COL28A1: variants seen among roughly 807,000 people sequenced by gnomAD.
COL28A1 encodes collagen type XXVIII alpha 1 chain.
A neutral mutation model predicts 150.2 loss-of-function variants in COL28A1; 161 were observed. That is an observed-to-expected ratio of 1.07 (90% CI 0.94 to 1.22). The LOEUF (loss-of-function observed/expected upper bound fraction) is 1.22, where lower values mean the gene tolerates loss of function less well. Ranked by LOEUF, COL28A1 falls within the 50% of genes most tolerant of loss-of-function variation. The probability of loss-of-function intolerance (pLI) is 0.00; values close to 1 mark genes in which losing one functional copy is unlikely to be tolerated. For missense variants in COL28A1, 1,617 were observed against 1,388.3 expected (o/e 1.16, Z -2.62); for synonymous variants, 552 against 469.7 (o/e 1.18, Z -2.26).
chr7:7,394,352 A>T (rs1782721382), intron 27 of COL28A1, among the ~76,000 whole-genome samples: 2 of 152,190 alleles, frequency 1.3e-5, no homozygotes, highest in African/African-American at 4.8e-5. Context: ...TCTCACTGGG[A>T]GCTGCAGACC....
At chr7:7,381,740 T>C (rs952047471) in intron 27 of COL28A1, 128 bp from the exon 28 acceptor site, 1 of 574,814 alleles carries the variant, frequency 1.7e-6, no homozygotes. Context: ...GGGAAATATA[T>C]ATATATATGT....
intron 31 of COL28A1, among the ~76,000 whole-genome samples, chr7:7,374,565 G>A (rs1348494614): frequency 6.6e-6 from 1 of 152,114 alleles, no homozygotes; most frequent in Non-Finnish European, 1.5e-5. Context: ...CATTTAGGTT[G>A]ATAAACAACC....
At chr7:7,344,774 A>T in the COL28A1 span, among the ~76,000 whole-genome samples, 358 of 152,198 alleles carry the variant, frequency 2.4e-3, 2 homozygotes, top group Middle Eastern at 0.01. Flanking sequence ...CGCAACCAAA[A>T]TGTCAACAGC....
intron 13 of COL28A1, among the ~76,000 whole-genome samples, chr7:7,488,161 A>G (rs1779728938): frequency 6.6e-6 from 1 of 152,222 alleles, no homozygotes; most frequent in South Asian, 2.1e-4. Context: ...GCAGAAACAC[A>G]AAACCAAAAT....
chr7:7,366,708 G>T (rs911511087), intron 33 of COL28A1, among the ~76,000 whole-genome samples: 1 of 152,160 alleles, frequency 6.6e-6, no homozygotes, highest in Non-Finnish European at 1.5e-5. Context: ...GACAGAGTTA[G>T]GTGTCTTAAG....
At chr7:7,389,385 T>A (rs1338669854) in intron 27 of COL28A1, among the ~76,000 whole-genome samples, 1 of 152,230 alleles carries the variant, frequency 6.6e-6, no homozygotes, top group African/African-American at 2.4e-5. Flanking sequence ...TACCATGCTG[T>A]TTGGGTTACT....
intron 27 of COL28A1, among the ~76,000 whole-genome samples, chr7:7,417,096 A>G (rs564199347): frequency 6.6e-6 from 1 of 152,268 alleles, no homozygotes; most frequent in East Asian, 1.9e-4. Context: ...GAACAACATC[A>G]TCAACATATT....
intron 11 of COL28A1, among the ~76,000 whole-genome samples, chr7:7,494,758 A>C (rs1031975715): frequency 1.1e-4 from 17 of 152,254 alleles, no homozygotes; most frequent in African/African-American, 3.4e-4. Context: ...ATAAAATACA[A>C]GCATGTGAAT....
At chr7:7,514,860 A>G (rs1002442811) in intron 8 of COL28A1, among the ~76,000 whole-genome samples, 1 of 152,014 alleles carries the variant, frequency 6.6e-6, no homozygotes, top group African/African-American at 2.4e-5. Flanking sequence ...TGCCCCAACA[A>G]ACAGCTACCA....
intron 27 of COL28A1, among the ~76,000 whole-genome samples, chr7:7,401,213 G>C (rs917360172): frequency 3.3e-5 from 5 of 151,896 alleles, no homozygotes; most frequent in African/African-American, 1.2e-4. Context: ...TTCTTTGCCA[G>C]GTCCTCTTCA....
At chr7:7,403,241 A>C (rs748654491) in intron 27 of COL28A1, among the ~76,000 whole-genome samples, 5 of 152,170 alleles carry the variant, frequency 3.3e-5, no homozygotes, top group Non-Finnish European at 7.4e-5. Context: ...CAGGAAACAC[A>C]GCTTTCACGG....
At chr7:7,440,699 G>C (rs1785702640) in intron 21 of COL28A1, 91 bp downstream of exon 21, 1 of 592,750 alleles carries the variant, frequency 1.7e-6, no homozygotes, top group African/African-American at 1.9e-5. Context: ...AGGAAACAAG[G>C]AATCCAATTT....
chr7:7,436,273 T>C (rs1209354592), intron 23 of COL28A1, 122 bp downstream of exon 23: 1 of 711,746 alleles, frequency 1.4e-6, no homozygotes, highest in Non-Finnish European at 2.5e-6. Flanking sequence ...GGAATAGCTA[T>C]ATTCTTACAT....
chr7:7,430,139 T>G (rs1784880351), intron 25 of COL28A1, among the ~76,000 whole-genome samples: 1 of 152,160 alleles, frequency 6.6e-6, no homozygotes, highest in South Asian at 2.1e-4. Flanking sequence ...TATGTTCTTT[T>G]TTTTTGAAAT....
chr7:7,539,399 A>T (rs1213088768), upstream of COL28A1, among the ~76,000 whole-genome samples: 1 of 152,142 alleles, frequency 6.6e-6, no homozygotes, highest in Non-Finnish European at 1.5e-5. Flanking sequence ...AGGAACTAAT[A>T]CAGAGAGAAC....
At chr7:7,440,739 C>T (rs774474989) in intron 21 of COL28A1, 51 bp downstream of exon 21, 1 of 733,062 alleles carries the variant, frequency 1.4e-6, no homozygotes, top group Non-Finnish European at 2.3e-6. Flanking sequence ...ATATTAAAAC[C>T]AGACACAATA....
chr7:7,508,219 G>C (rs536134357), intron 9 of COL28A1, among the ~76,000 whole-genome samples: 14 of 149,340 alleles, frequency 9.4e-5, no homozygotes, highest in Admixed American at 9.3e-4. Context: ...GCAACAGAGC[G>C]AGACTCTGTC....
At chr7:7,510,957 A>G in intron 9 of COL28A1, 134 bp downstream of exon 9, 1 of 706,810 alleles carries the variant, frequency 1.4e-6, no homozygotes, top group Non-Finnish European at 2.5e-6. Context: ...CATGTTTTAC[A>G]GATGTGAAAA....
In COL28A1 at chr7:7,502,179, C is replaced by T. The variant is rs543091250; in HGVS notation, c.1026+3835G>A. ...CCTCCCAAAGTGCTGGGATTACAGG[C>T]GTGAGCCACTGCGCCTGGCTGAGAT... On this transcript the variant is annotated intron_variant, in intron 11 of 34. Coordinates refer to ENST00000399429, the MANE Select transcript of COL28A1 (RefSeq NM_001037763.3). Among the ~76,000 whole-genome samples, 26 of 152,248 alleles carry T rather than the reference C, an allele frequency of 1.7e-4. No homozygotes were observed. In the East Asian group the frequency reaches 5.0e-3, roughly 29 times the overall value.
Sources: gnomAD v4.1 joint callset for allele counts (sites outside exome capture counted in the v4.1 genomes callset) on GRCh38, gnomAD v4.1.1 for gene constraint, MANE v1.5 for transcripts, NCBI Gene and HGNC (gene_info 2026-07-23, HGNC 2026-07-21) for gene names.